HEATR5B: variants seen among roughly 807,000 people sequenced by gnomAD.
The protein encoded by HEATR5B is HEAT repeat containing 5B.
HEATR5B carries 156 observed loss-of-function variants against 224.1 expected under a neutral mutation model. That is an observed-to-expected ratio of 0.70 (90% CI 0.61 to 0.80). The LOEUF is 0.80. Ranked by LOEUF, HEATR5B falls within the 30% of genes least tolerant of loss-of-function variation. The pLI is 0.00. For missense variants in HEATR5B, 2,323 were observed against 2,535.5 expected (o/e 0.92, Z 1.80); for synonymous variants, 1,027 against 893.0 (o/e 1.15, Z -2.68).
intron 6 of HEATR5B, 147 bp from the exon 7 acceptor site, chr2:37,070,534 T>C: frequency 3.1e-6 from 2 of 652,488 alleles, no homozygotes; most frequent in South Asian, 5.1e-5. Flanking sequence ...ATTTTCAATG[T>C]ACTTGTAAGC....
intron 35 of HEATR5B, among the ~76,000 whole-genome samples, chr2:36,982,773 T>G (rs1390621805): frequency 6.6e-6 from 1 of 151,972 alleles, no homozygotes; most frequent in Non-Finnish European, 1.5e-5. Context: ...CATCTAACTA[T>G]AGATGTTATA....
Position 36,988,610 on chromosome 2 carries a change from T to A in HEATR5B, c.5911+36A>T. On this transcript the variant is annotated intron_variant, in intron 35 of 35. Coordinates refer to ENST00000233099, the MANE Select transcript of HEATR5B (RefSeq NM_019024.3). The stretch of plus-strand genomic sequence containing the variant: ...GATTTATATACAATACAGATCTTCA[T>A]TCTGAACTAGTAGCTTTTTATAAGA... 5 of 1,520,218 alleles carry A rather than the reference T, an allele frequency of 3.3e-6. No homozygotes were observed. The South Asian group carries it at 5.7e-5, about 17-fold the overall frequency. The allele number at this position is 1,520,218 out of a possible 1,614,324, so 94.2% of individuals were successfully genotyped here.
chr2:37,073,637 T>C (rs948845342), intron 5 of HEATR5B, among the ~76,000 whole-genome samples: 3 of 152,354 alleles, frequency 2.0e-5, no homozygotes, highest in African/African-American at 7.2e-5. Flanking sequence ...CACTACAAGA[T>C]GTTGCTAAGA....
intron 22 of HEATR5B, among the ~76,000 whole-genome samples, chr2:37,031,137 C>T (rs1277771762): frequency 6.6e-6 from 1 of 152,150 alleles, no homozygotes; most frequent in Non-Finnish European, 1.5e-5. Context: ...TCTATGACTC[C>T]ATGGGGACAG....
intron 5 of HEATR5B, among the ~76,000 whole-genome samples, chr2:37,073,501 C>T (rs552165994): frequency 7.9e-4 from 120 of 152,280 alleles, no homozygotes; most frequent in African/African-American, 2.7e-3. Flanking sequence ...GTCTCAGCCT[C>T]CCAAAGTGCT....
chr2:37,040,951 C>T, intron 19 of HEATR5B, 182 bp downstream of exon 19: 1 of 534,680 alleles, frequency 1.9e-6, no homozygotes, highest in Non-Finnish European at 3.3e-6. Flanking sequence ...GGGTAAAATT[C>T]TCAGAATAAG....
chr2:37,062,916 T>C (rs1671370995), intron 10 of HEATR5B, among the ~76,000 whole-genome samples: 1 of 152,128 alleles, frequency 6.6e-6, no homozygotes, highest in Non-Finnish European at 1.5e-5. Flanking sequence ...GCCTCCTGAG[T>C]AGGTAGGACT....
At chr2:37,058,112 C>T (rs957310269) in intron 14 of HEATR5B, among the ~76,000 whole-genome samples, 1 of 152,130 alleles carries the variant, frequency 6.6e-6, no homozygotes, top group Admixed American at 6.6e-5. Context: ...TGAAGATAAA[C>T]CAGCTAGATT....
chr2:37,043,506 C>T (rs757986674), intron 18 of HEATR5B, among the ~76,000 whole-genome samples: 1 of 152,210 alleles, frequency 6.6e-6, no homozygotes, highest in Non-Finnish European at 1.5e-5. Context: ...GAGAGTTCTT[C>T]TCCAAGGGCA....
At chr2:37,069,257 T>C (rs1671767546) in intron 7 of HEATR5B, among the ~76,000 whole-genome samples, 1 of 152,186 alleles carries the variant, frequency 6.6e-6, no homozygotes, top group Non-Finnish European at 1.5e-5. Context: ...ACATCCTAAA[T>C]AAACACTGAC....
chr2:37,045,247 C>T (rs1321506282), intron 18 of HEATR5B, among the ~76,000 whole-genome samples: 3 of 151,472 alleles, frequency 2.0e-5, no homozygotes, highest in African/African-American at 7.3e-5. Context: ...GAGGTTTTAT[C>T]TTTCTGCTTC....
In HEATR5B at chr2:37,069,227, A is replaced by T. The variant is rs142267053; in HGVS notation, c.928-297T>A. Among the ~76,000 whole-genome samples, 279 of 152,342 alleles carry T rather than the reference A, an allele frequency of 1.8e-3. 2 individuals carry two copies. Among genetic ancestry groups the T allele is most frequent in the African/African-American group, 6.6e-3 (275 of 41,586 alleles). ...CCAGTGATCGGGAAGGTAACAGGTT[A>T]CAGAAACAAGAAAACCTTAACATCC... is the stretch of plus-strand genomic sequence containing the variant. On this transcript the variant is annotated intron_variant, in intron 7 of 35. Coordinates refer to ENST00000233099, the MANE Select transcript of HEATR5B (RefSeq NM_019024.3).
chr2:37,008,583 A>C (rs1558724030), intron 28 of HEATR5B, 28 bp downstream of exon 28: 17 of 1,501,060 alleles, frequency 1.1e-5, no homozygotes, highest in Non-Finnish European at 1.6e-5. Flanking sequence ...GAACTCCATA[A>C]AAGTAAAACT....
At chr2:37,026,557 A>G (rs1558748497) in intron 24 of HEATR5B, among the ~76,000 whole-genome samples, 3 of 152,294 alleles carry the variant, frequency 2.0e-5, no homozygotes, top group South Asian at 4.1e-4. Context: ...ACATACTACT[A>G]CTGGGACACG....
chr2:37,077,448 A>G (rs963347891), intron 3 of HEATR5B, among the ~76,000 whole-genome samples: 5 of 152,184 alleles, frequency 3.3e-5, no homozygotes, highest in African/African-American at 7.2e-5. Context: ...AGCTGGGATT[A>G]CAGGTGCATG....
In HEATR5B at chr2:37,019,848, T is replaced by C; in HGVS notation, c.4065A>G (p.Ser1355=). 6.2e-7 allele frequency: 1 copy of C among 1,610,726 alleles called. No homozygotes were observed. Among genetic ancestry groups the C allele is most frequent in the East Asian group, 2.2e-5 (1 of 44,866 alleles). The change falls in exon 26 of 36, where the codon TCA becomes TCG. Residue 1355 remains serine (S), a synonymous_variant. Transcript: ENST00000233099. ...CTATTATATCTGATGGTGTATCTTG[T>C]GAAAAGGCTGGTCTTAGAGCAGCTC... is the stretch of plus-strand genomic sequence containing the variant. ...NVGAALRPAF[S]QDTPSDIIAK... is the part of the protein sequence containing the mutation.
At chr2:37,032,591 T>C in intron 22 of HEATR5B, 38 bp downstream of exon 22, 1 of 1,563,380 alleles carries the variant, frequency 6.4e-7, no homozygotes, top group Non-Finnish European at 8.7e-7. Flanking sequence ...GTAAAAGTAG[T>C]TAAACAAAAA....
intron 16 of HEATR5B, among the ~76,000 whole-genome samples, chr2:37,054,460 C>A (rs1362572716): frequency 7.7e-6 from 1 of 129,654 alleles, no homozygotes; most frequent in Non-Finnish European, 1.6e-5. Context: ...GGATTACAGG[C>A]GTGAGCCACT....
rs1044067144 is a variant in HEATR5B, at chr2:37,049,685, A to G, written c.2664T>C (p.Phe888=). 1.2e-6 allele frequency: 2 copies of G among 1,613,856 alleles called. No individual in the cohort carries two copies. The highest frequency in any genetic ancestry group is 2.2e-5 in the East Asian group (1 of 44,878). ...AGCTATATTGGGCCATTCTAGCAAT[A>G]AAAGTTGCTTCTCCAACCACCTGAG... ...RMAQVVGEAT[F]IARMAQYSFD... The change falls in exon 18 of 36, where the codon TTT becomes TTC. Residue 888 remains phenylalanine, a synonymous_variant. Coordinates refer to ENST00000233099, the MANE Select transcript of HEATR5B (RefSeq NM_019024.3).
Sources: allele counts gnomAD v4.1 joint callset (sites outside exome capture counted in the v4.1 genomes callset), GRCh38; gene constraint gnomAD v4.1.1; transcripts MANE v1.5; gene names NCBI Gene and HGNC (gene_info 2026-07-23, HGNC 2026-07-21).